The following MGMT variants were observed in gnomAD, a reference collection of about 807,000 sequenced individuals.
MGMT encodes the protein methylated-DNA--protein-cysteine methyltransferase.
In MGMT, 14 loss-of-function variants were observed where a neutral mutation model predicts 15.9. The observed-to-expected ratio is 0.88, with a 90% CI of 0.58 to 1.37. MGMT has a LOEUF of 1.37. MGMT is among the 40% of genes most tolerant of loss of function. The pLI is 0.00. For synonymous variants in MGMT, 130 were observed against 118.2 expected, an observed-to-expected ratio of 1.10 and a Z score of -0.65; for missense variants, 282 against 268.1, an observed-to-expected ratio of 1.05 and a Z score of -0.36.
Position 129,653,304 on chromosome 10 carries a change from A to G in MGMT, c.126-54591A>G, listed in dbSNP as rs148769536. Among the ~76,000 whole-genome samples the G allele has an allele frequency of 1.8e-3, 269 of 152,290 alleles. 1 individual carries two copies. Among genetic ancestry groups the G allele is most frequent in the African/African-American group, 6.2e-3 (257 of 41,560 alleles). On this transcript the variant is annotated intron_variant, in intron 2 of 4. Transcript: ENST00000651593. ...ATAGGCTTTGAAAATTAGCATCCCT[A>G]AGTCTCTGTCCTTTTGTATTTGAAA...
intron 1 of MGMT, among the ~76,000 whole-genome samples, chr10:129,521,039 T>C (rs1022052021): frequency 2.0e-5 from 3 of 151,112 alleles, no homozygotes; most frequent in African/African-American, 7.3e-5. Context: ...CGCCACCTGC[T>C]GTCCCCGGAT....
At position 129,683,010 on chromosome 10, in the gene MGMT, G is replaced by A. The variant is rs563478500; in HGVS notation, c.126-24885G>A. The stretch of plus-strand genomic sequence containing the variant: ...ATTATAGGCGCACGCCACCATGTCC[G>A]GCTAATTTTCATATTTTTGGTACAG... On this transcript the variant is annotated intron_variant, in intron 2 of 4. Coordinates refer to ENST00000651593, the MANE Select transcript of MGMT (RefSeq NM_002412.5). 3.9e-5 allele frequency among the ~76,000 whole-genome samples: 6 copies of A among 152,214 alleles called. No homozygotes were observed. In the South Asian group the frequency reaches 6.2e-4, roughly 16 times the overall value.
intron 2 of MGMT, among the ~76,000 whole-genome samples, chr10:129,549,482 A>G (rs921225018): frequency 4.6e-5 from 7 of 152,204 alleles, no homozygotes; most frequent in African/African-American, 1.7e-4. Flanking sequence ...CTGAATTTAA[A>G]ATATAAGCAA....
intron 2 of MGMT, among the ~76,000 whole-genome samples, chr10:129,705,881 A>G (rs1386806253): frequency 1.3e-5 from 2 of 151,934 alleles, no homozygotes; most frequent in African/African-American, 4.8e-5. Context: ...CAGCAGAATC[A>G]GCACGGGGCC....
At chr10:129,681,786 T>C (rs1847855857) in intron 2 of MGMT, among the ~76,000 whole-genome samples, 2 of 152,304 alleles carry the variant, frequency 1.3e-5, no homozygotes, top group Admixed American at 6.5e-5. Context: ...CATGAAATCC[T>C]GGAGGCACTC....
chr10:129,766,896 C>T lies in MGMT; in HGVS notation c.523C>T (p.Arg175Trp), dbSNP rs376927510. 13 of 1,613,392 alleles carry T rather than the reference C, an allele frequency of 8.1e-6. No individual in the cohort carries two copies. Among genetic ancestry groups the T allele is most frequent in the East Asian group, 2.2e-5 (1 of 44,878 alleles). ...KEWLLAHEGH[R>W]LGKPGLGGSS... The stretch of plus-strand genomic sequence containing the variant: ...ATGGCTTCTGGCCCATGAAGGCCAC[C>T]GGTTGGGGAAGCCAGGCTTGGGAGG... Residue 175 changes from arginine to tryptophan, a missense_variant, in exon 5 of 5, where the codon CGG becomes TGG. Coordinates refer to ENST00000651593, the MANE Select transcript of MGMT (RefSeq NM_002412.5).
chr10:129,513,939 G>A (rs978041256), intron 1 of MGMT, among the ~76,000 whole-genome samples: 8 of 152,312 alleles, frequency 5.3e-5, no homozygotes, highest in Admixed American at 3.3e-4. Flanking sequence ...CTTAATGTGA[G>A]TTTGCTTGCT....
At chr10:129,752,316 T>C (rs980620737) in intron 3 of MGMT, among the ~76,000 whole-genome samples, 2 of 152,012 alleles carry the variant, frequency 1.3e-5, no homozygotes, top group African/African-American at 4.8e-5. Context: ...ACATTTGTGT[T>C]TGCATGGTAT....
intron 1 of MGMT, among the ~76,000 whole-genome samples, chr10:129,494,373 C>T (rs1289575285): frequency 1.3e-5 from 2 of 152,214 alleles, no homozygotes; most frequent in African/African-American, 2.4e-5. Flanking sequence ...GCTCAAGCTT[C>T]CCTGGGGCTT....
At chr10:129,499,753 G>T (rs1400359657) in intron 1 of MGMT, among the ~76,000 whole-genome samples, 1 of 152,208 alleles carries the variant, frequency 6.6e-6, no homozygotes, top group Non-Finnish European at 1.5e-5. Flanking sequence ...ATCTTATGAA[G>T]TGTTGGAGAC....
At chr10:129,610,230 A>G (rs1846943219) in intron 2 of MGMT, among the ~76,000 whole-genome samples, 1 of 152,204 alleles carries the variant, frequency 6.6e-6, no homozygotes, top group Non-Finnish European at 1.5e-5. Flanking sequence ...ATATTCTAAC[A>G]ATTGCACCTT....
intron 2 of MGMT, among the ~76,000 whole-genome samples, chr10:129,588,890 G>T (rs970048330): frequency 6.6e-6 from 1 of 152,260 alleles, no homozygotes; most frequent in Admixed American, 6.5e-5. Flanking sequence ...GAACAGAGAG[G>T]CATTTTAGGA....
intron 1 of MGMT, among the ~76,000 whole-genome samples, chr10:129,523,324 G>A (rs1458963615): frequency 1.3e-5 from 2 of 152,244 alleles, no homozygotes; most frequent in Non-Finnish European, 2.9e-5. Flanking sequence ...TGGCATTATC[G>A]CGGATGTTAG....
At chr10:129,709,761 A>G (rs1173231495) in intron 3 of MGMT, among the ~76,000 whole-genome samples, 2 of 152,274 alleles carry the variant, frequency 1.3e-5, no homozygotes, top group African/African-American at 2.4e-5. Context: ...TCCAAGTCAT[A>G]TGGTGGCCCT....
intron 2 of MGMT, among the ~76,000 whole-genome samples, chr10:129,706,219 G>C (rs531712205): frequency 6.6e-5 from 10 of 152,342 alleles, no homozygotes; most frequent in South Asian, 6.2e-4. Flanking sequence ...CGTTCACACT[G>C]TCTGTCCTAC....
chr10:129,579,125 A>G (rs910621873), intron 2 of MGMT, among the ~76,000 whole-genome samples: 7 of 152,228 alleles, frequency 4.6e-5, no homozygotes, highest in Non-Finnish European at 8.8e-5. Flanking sequence ...CATTTTCTAT[A>G]TTGAATTAAA....
chr10:129,745,275 T>C (rs1346122484), intron 3 of MGMT, among the ~76,000 whole-genome samples: 1 of 152,194 alleles, frequency 6.6e-6, no homozygotes, highest in Non-Finnish European at 1.5e-5. Context: ...AATTGGCTTT[T>C]TGTGGGGTAT....
At chr10:129,480,602 G>A (rs984325603) in intron 1 of MGMT, among the ~76,000 whole-genome samples, 5 of 152,282 alleles carry the variant, frequency 3.3e-5, no homozygotes, top group Middle Eastern at 3.4e-3. Flanking sequence ...TTCTGGCTGG[G>A]CACACTGGCT....
chr10:129,579,910 C>G (rs1347390116), intron 2 of MGMT, among the ~76,000 whole-genome samples: 2 of 152,190 alleles, frequency 1.3e-5, no homozygotes, highest in African/African-American at 2.4e-5. Context: ...TTGACACTTT[C>G]TGGTCCCAGA....
Sources: gnomAD v4.1 joint callset for allele counts (sites outside exome capture counted in the v4.1 genomes callset) on GRCh38, gnomAD v4.1.1 for gene constraint, MANE v1.5 for transcripts, NCBI Gene and HGNC (gene_info 2026-07-23, HGNC 2026-07-21) for gene names.